Variants in TRPS1 observed in about 807,000 individuals in gnomAD.
TRPS1 encodes the protein zinc finger transcription factor Trps1.
Under a neutral mutation model 101.2 loss-of-function variants are expected in TRPS1, and 6 were observed. That is an observed-to-expected ratio of 0.06 (90% CI 0.03 to 0.12). The LOEUF is 0.12. Ranked by LOEUF, TRPS1 falls within the 10% of genes least tolerant of loss-of-function variation. The pLI, the probability that TRPS1 is intolerant of heterozygous loss-of-function variation, is 1.00. For missense variants in TRPS1, 1,363 were observed against 1,567.0 expected, an observed-to-expected ratio of 0.87 and a Z score of 2.20; for synonymous variants, 578 against 589.8, an observed-to-expected ratio of 0.98 and a Z score of 0.29.
chr8:115,418,291 T>C lies in TRPS1; in HGVS notation c.2823+39A>G. Reference sequence around the variant, plus strand: ...CACCACAGACCAGGCCAACACTGCTTTATAAAGCTTTTCCTGAAAGAGTGG... The same window carrying C: ...CACCACAGACCAGGCCAACACTGCTCTATAAAGCTTTTCCTGAAAGAGTGG... On this transcript the variant is annotated intron_variant, in intron 6 of 6. Transcript: ENST00000395715. The surrounding 1 kb of genome is among the most constrained non-coding windows in gnomAD (Gnocchi z 4.3). The C allele has an allele frequency of 3.7e-6, 6 of 1,613,772 alleles. No homozygotes were observed. The highest frequency in any genetic ancestry group is 5.1e-6 in the Non-Finnish European group (6 of 1,179,756).
chr8:115,433,288 A>G (rs1382633184), intron 5 of TRPS1, among the ~76,000 whole-genome samples: 2 of 152,062 alleles, frequency 1.3e-5, no homozygotes, highest in African/African-American at 4.8e-5. Flanking sequence ...TTTGAAAAAA[A>G]ACATAAATCA....
At chr8:115,571,334 T>C (rs558545305) in intron 5 of TRPS1, among the ~76,000 whole-genome samples, 11 of 152,312 alleles carry the variant, frequency 7.2e-5, no homozygotes, top group Admixed American at 3.3e-4. Context: ...TAAAAGACAT[T>C]TTAATTTGTA....
chr8:115,595,369 A>G (rs1323026462), intron 4 of TRPS1, among the ~76,000 whole-genome samples: 2 of 151,956 alleles, frequency 1.3e-5, no homozygotes, highest in African/African-American at 2.4e-5. Context: ...ATGGATTATT[A>G]GGTCAGTCCT....
At chr8:115,633,416 T>C (rs979059883) in intron 1 of TRPS1, among the ~76,000 whole-genome samples, 1 of 152,052 alleles carries the variant, frequency 6.6e-6, no homozygotes, top group African/African-American at 2.4e-5. Context: ...CACACATCTG[T>C]AGATATTAAA....
At chr8:115,416,669 G>A (rs1812929000) in intron 6 of TRPS1, among the ~76,000 whole-genome samples, 1 of 151,534 alleles carries the variant, frequency 6.6e-6, no homozygotes. Flanking sequence ...AGTACCTCTT[G>A]TATCTTAAAT....
chr8:115,630,544 G>GA (rs369499865), intron 1 of TRPS1, among the ~76,000 whole-genome samples: 16 of 152,018 alleles, frequency 1.1e-4, no homozygotes, highest in African/African-American at 3.9e-4. Flanking sequence ...ATTGAATGTT[G>GA]AAAGAAACCA....
intron 4 of TRPS1, among the ~76,000 whole-genome samples, chr8:115,597,037 G>T (rs891469813): frequency 2.0e-5 from 3 of 151,624 alleles, no homozygotes; most frequent in Admixed American, 6.6e-5. Context: ...AATCTTTTTT[G>T]GAAAGACAAT....
At chr8:115,442,030 C>T (rs1813612278) in intron 5 of TRPS1, among the ~76,000 whole-genome samples, 1 of 152,086 alleles carries the variant, frequency 6.6e-6, no homozygotes, top group Non-Finnish European at 1.5e-5. Context: ...TATTACAAAA[C>T]TTCTTCACAA....
intron 5 of TRPS1, among the ~76,000 whole-genome samples, chr8:115,449,733 G>A (rs1203161042): frequency 6.6e-6 from 1 of 152,054 alleles, no homozygotes; most frequent in Non-Finnish European, 1.5e-5. Context: ...TTTCTTATCT[G>A]CCTGTTTAAT....
At chr8:115,518,035 G>GA (rs35006236) in intron 5 of TRPS1, among the ~76,000 whole-genome samples, 151,691 of 151,704 alleles carry the variant, frequency 1, 75,839 homozygotes, top group Middle Eastern at 1. Context: ...TGTAGGACAG[G>GA]AAATGAAGGG....
At chr8:115,569,794 T>A (rs1343794769) in intron 5 of TRPS1, among the ~76,000 whole-genome samples, 1 of 152,088 alleles carries the variant, frequency 6.6e-6, no homozygotes, top group Non-Finnish European at 1.5e-5. Context: ...GGTAAATCAT[T>A]CTTCACATTT....
At chr8:115,496,519 A>G (rs1401423911) in intron 5 of TRPS1, among the ~76,000 whole-genome samples, 1 of 152,222 alleles carries the variant, frequency 6.6e-6, no homozygotes, top group Non-Finnish European at 1.5e-5. Context: ...TGAATATCCT[A>G]TAACGAGTTT....
At chr8:115,627,618 G>T (rs1818539810) in intron 1 of TRPS1, among the ~76,000 whole-genome samples, 1 of 151,846 alleles carries the variant, frequency 6.6e-6, no homozygotes, top group Admixed American at 6.6e-5. Context: ...AACGAGTGCT[G>T]TGCTTTGTAG....
Position 115,619,251 on chromosome 8 carries a change from T to C in TRPS1, c.847A>G (p.Met283Val). 5 of 1,613,906 alleles carry C rather than the reference T, an allele frequency of 3.1e-6. No individual in the cohort carries two copies. The highest frequency in any genetic ancestry group is 4.2e-6 in the Non-Finnish European group (5 of 1,179,830). ...LDSKILALHN[M>V]VQFSHSKDFQ... ...TCTTTGGAATGGCTGAACTGCACCATGTTATGAAGGGCCAAGATTTTGCTG... is the reference window on the plus strand; with the variant it reads ...TCTTTGGAATGGCTGAACTGCACCACGTTATGAAGGGCCAAGATTTTGCTG... Residue 283 changes from methionine to valine, a missense_variant, in exon 3 of 7, where the codon ATG becomes GTG. Physicochemically the swap from Met to Val is conservative, Grantham distance 21 (BLOSUM62 1). Coordinates refer to ENST00000395715, the MANE Select transcript of TRPS1 (RefSeq NM_014112.5).
chr8:115,501,598 G>A lies in TRPS1; in HGVS notation c.2701-83146C>T, dbSNP rs142969898. Among the ~76,000 whole-genome samples, 62 of 152,156 alleles carry A rather than the reference G, an allele frequency of 4.1e-4. No individual in the cohort carries two copies. The East Asian group carries it at 7.5e-3, about 18-fold the overall frequency. On this transcript the variant is annotated intron_variant, in intron 5 of 6. Transcript: ENST00000395715. ...AATATGTGAAGTTCAAAGTGCTCAC[G>A]AAAAATAAAATCATTATCACTATAC... is the stretch of plus-strand genomic sequence containing the variant.
intron 5 of TRPS1, among the ~76,000 whole-genome samples, chr8:115,568,370 A>G (rs1817118757): frequency 6.6e-6 from 1 of 152,130 alleles, no homozygotes; most frequent in African/African-American, 2.4e-5. Flanking sequence ...TAAAACATAA[A>G]TATGACATAA....
At chr8:115,654,130 T>C (rs1161572608) in intron 1 of TRPS1, among the ~76,000 whole-genome samples, 1 of 152,220 alleles carries the variant, frequency 6.6e-6, no homozygotes, top group Non-Finnish European at 1.5e-5. Flanking sequence ...AATATTCCTG[T>C]ATTTCCACTC....
chr8:115,658,630 GAATC>G (rs1811728855), intron 1 of TRPS1, among the ~76,000 whole-genome samples: 1 of 152,096 alleles, frequency 6.6e-6, no homozygotes, highest in African/African-American at 2.4e-5. Context: ...AGGACACACT[GAATC>G]GTTCAGGAAG....
chr8:115,616,781 T>A (rs934986822), intron 3 of TRPS1, among the ~76,000 whole-genome samples: 2 of 152,176 alleles, frequency 1.3e-5, no homozygotes, highest in African/African-American at 4.8e-5. Context: ...AAAACTACAT[T>A]AAAGAAATTC....
Sources: allele counts gnomAD v4.1 joint callset (sites outside exome capture counted in the v4.1 genomes callset), GRCh38; gene constraint gnomAD v4.1.1; non-coding constraint Gnocchi (gnomAD v3.1); transcripts MANE v1.5; gene names NCBI Gene and HGNC (gene_info 2026-07-23, HGNC 2026-07-21).